The following ARPP21 variants were observed in gnomAD, a reference collection of about 807,000 sequenced individuals.
ARPP21 encodes the protein cAMP-regulated phosphoprotein 21.
A neutral mutation model predicts 113.2 loss-of-function variants in ARPP21; 69 were observed. That is an observed-to-expected ratio of 0.61 (90% CI 0.50 to 0.74). The LOEUF is 0.74. ARPP21 is among the 30% of genes least tolerant of loss of function. ARPP21 has a pLI of 0.00. For missense variants in ARPP21, 1,070 were observed against 1,037.4 expected, an observed-to-expected ratio of 1.03 and a Z score of -0.43; for synonymous variants, 368 against 375.5, an observed-to-expected ratio of 0.98 and a Z score of 0.23.
chr3:35,657,359 T>C (rs535676766), intron 1 of ARPP21, among the ~76,000 whole-genome samples: 1 of 152,096 alleles, frequency 6.6e-6, no homozygotes, highest in East Asian at 1.9e-4. Context: ...TCTCTAGAAA[T>C]GTCTGGAAGA....
chr3:35,787,576 A>G (rs746976852), intron 19 of ARPP21, among the ~76,000 whole-genome samples: 41 of 152,214 alleles, frequency 2.7e-4, no homozygotes, highest in Admixed American at 3.3e-4. Flanking sequence ...ACATGTCTTC[A>G]AACTGTTAAT....
intron 19 of ARPP21, among the ~76,000 whole-genome samples, chr3:35,788,029 G>C (rs1206667783): frequency 2.0e-5 from 3 of 152,140 alleles, no homozygotes; most frequent in Admixed American, 2.0e-4. Context: ...TTCACTGTTT[G>C]GCTTAGAGTA....
chr3:35,788,272 C>T (rs1234362128), intron 19 of ARPP21, among the ~76,000 whole-genome samples: 2 of 152,150 alleles, frequency 1.3e-5, no homozygotes, highest in South Asian at 2.1e-4. Context: ...TACCTCACAC[C>T]GTGTACAAAG....
At chr3:35,690,592 G>C (rs2081965438) in intron 8 of ARPP21, among the ~76,000 whole-genome samples, 1 of 151,394 alleles carries the variant, frequency 6.6e-6, no homozygotes, top group Non-Finnish European at 1.5e-5. Context: ...AAGGTATCAT[G>C]GACTAAAATA....
At chr3:35,693,174 T>G (rs2082752793) in intron 9 of ARPP21, among the ~76,000 whole-genome samples, 1 of 151,624 alleles carries the variant, frequency 6.6e-6, no homozygotes, top group South Asian at 2.1e-4. Flanking sequence ...AGGCCAGGGC[T>G]CAGTCTCTGG....
intron 1 of ARPP21, among the ~76,000 whole-genome samples, chr3:35,677,615 TA>T (rs36053158): frequency 0.23 from 35,372 of 151,836 alleles, 5,106 homozygotes; most frequent in East Asian, 0.47. Flanking sequence ...GTATTTCCAC[TA>T]AAAAAAGATA....
chr3:35,729,855 A>T (rs1167515287), intron 15 of ARPP21, among the ~76,000 whole-genome samples: 2 of 152,180 alleles, frequency 1.3e-5, no homozygotes, highest in Non-Finnish European at 2.9e-5. Flanking sequence ...AAATGGTGTG[A>T]TGAGTTGGGA....
chr3:35,737,149 A>G, intron 15 of ARPP21, 29 bp from the exon 16 acceptor site: 2 of 1,409,830 alleles, frequency 1.4e-6, no homozygotes, highest in Non-Finnish European at 2.0e-6. Flanking sequence ...TGAGAAGCTT[A>G]CCTGGACTAA....
At chr3:35,768,833 C>A (rs2151467141) in intron 19 of ARPP21, among the ~76,000 whole-genome samples, 1 of 152,180 alleles carries the variant, frequency 6.6e-6, no homozygotes, top group Non-Finnish European at 1.5e-5. Flanking sequence ...TCAGAGTATC[C>A]TTTAAACACT....
At chr3:35,708,087 A>G (rs997161286) in intron 10 of ARPP21, among the ~76,000 whole-genome samples, 3 of 152,038 alleles carry the variant, frequency 2.0e-5, no homozygotes, top group Non-Finnish European at 2.9e-5. Flanking sequence ...AAACTTGTTC[A>G]TCATTTGTAT....
In ARPP21 at chr3:35,732,505, C is replaced by A. The variant is rs116355237; in HGVS notation, c.1459+2969C>A. Among the ~76,000 whole-genome samples the A allele has an allele frequency of 3.4e-3, 513 of 152,268 alleles. 3 individuals are homozygous for A. Among genetic ancestry groups the A allele is most frequent in the African/African-American group, 0.012 (479 of 41,546 alleles). On this transcript the variant is annotated intron_variant, in intron 15 of 20. Transcript: ENST00000684406. ...TCCCTGTATAACATTTTCATTCTTC[C>A]AAGGCAAGCCTGGAATCTTGGGTTT...
Position 35,721,720 on chromosome 3 carries a change from A to C in ARPP21, c.1111A>C (p.Asn371His). 1 of 1,613,974 alleles carries C rather than the reference A, an allele frequency of 6.2e-7. No individual in the cohort carries two copies. The highest frequency in any genetic ancestry group is 8.5e-7 in the Non-Finnish European group (1 of 1,179,908). Residue 371 changes from asparagine to histidine, a missense_variant, in exon 14 of 21, where the codon AAC becomes CAC. Coordinates refer to ENST00000684406, the MANE Select transcript of ARPP21 (RefSeq NM_001385562.1). Reference sequence around the variant, plus strand: ...GAGCAGCACAGACTCCGACAGTTCCAACCGCAATCTAAAGCCCGCCATGAC... The same window carrying C: ...GAGCAGCACAGACTCCGACAGTTCCCACCGCAATCTAAAGCCCGCCATGAC... ...AWSSTDSDSSNRNLKPAMTKT... is the reference protein window; with the variant it reads ...AWSSTDSDSSHRNLKPAMTKT...
At chr3:35,673,351 C>T (rs1461520672) in intron 1 of ARPP21, among the ~76,000 whole-genome samples, 2 of 152,010 alleles carry the variant, frequency 1.3e-5, no homozygotes, top group Non-Finnish European at 2.9e-5. Flanking sequence ...GGACTTGCCC[C>T]CTTTCATTCT....
At chr3:35,764,466 A>T (rs956570376) in intron 19 of ARPP21, among the ~76,000 whole-genome samples, 1 of 152,054 alleles carries the variant, frequency 6.6e-6, no homozygotes, top group African/African-American at 2.4e-5. Context: ...TCTTCTCTTC[A>T]ATGGCTGATG....
rs746153454 is a variant in ARPP21, at chr3:35,707,006, A to C, written c.719A>C (p.Asp240Ala). ...PEQRFCEHLK[D>A]EKGEESQKRF... ...CAAAGGTTTTGTGAACATTTAAAAG[A>C]TGAAAAAGGTGAAGAATCCCAGAAG... Residue 240 changes from aspartate to alanine, a missense_variant, in exon 10 of 21, where the codon GAT becomes GCT. Transcript: ENST00000684406. 1 of 1,614,090 alleles carries C rather than the reference A, an allele frequency of 6.2e-7. No homozygotes were observed. The highest frequency in any genetic ancestry group is 1.1e-5 in the South Asian group (1 of 91,068).
chr3:35,736,203 A>C (rs370037721), intron 15 of ARPP21, among the ~76,000 whole-genome samples: 1 of 152,152 alleles, frequency 6.6e-6, no homozygotes, highest in East Asian at 1.9e-4. Context: ...ATACCTCTGC[A>C]GGTTGTTAGG....
chr3:35,715,460 C>A lies in ARPP21; in HGVS notation c.919C>A (p.Leu307Ile). ...AHDSVCSQES[L>I]FVENSRLLED... ...TCAGTCAGTTTGCTCCCAGGAAAGCCTTTTTGTGGAAAACAGGTAAAATAA... is the reference window on the plus strand; with the variant it reads ...TCAGTCAGTTTGCTCCCAGGAAAGCATTTTTGTGGAAAACAGGTAAAATAA... The change falls in exon 12 of 21, where the codon CTT (leucine) becomes ATT (isoleucine). Residue 307 changes from leucine to isoleucine, a missense_variant. Coordinates refer to ENST00000684406, the MANE Select transcript of ARPP21 (RefSeq NM_001385562.1). 1 of 1,612,608 alleles carries A rather than the reference C, an allele frequency of 6.2e-7. No homozygotes were observed. Among genetic ancestry groups the A allele is most frequent in the Non-Finnish European group, 8.5e-7 (1 of 1,178,998 alleles).
In ARPP21 at chr3:35,757,884, A is replaced by C. The variant is rs145383725; in HGVS notation, c.2137+13919A>C. Among the ~76,000 whole-genome samples the C allele has an allele frequency of 3.1e-3, 473 of 152,246 alleles. 2 individuals are homozygous for C. The highest frequency in any genetic ancestry group is 9.9e-3 in the African/African-American group (412 of 41,570). ...GATTTCTGTGAAAATTTTTTAAAGA[A>C]GTAAAACTGTATTTTCAGATTTCAT... On this transcript the variant is annotated intron_variant, in intron 19 of 20. Coordinates refer to ENST00000684406, the MANE Select transcript of ARPP21 (RefSeq NM_001385562.1).
At chr3:35,727,222 G>A (rs1365554475) in intron 14 of ARPP21, among the ~76,000 whole-genome samples, 1 of 152,126 alleles carries the variant, frequency 6.6e-6, no homozygotes, top group South Asian at 2.1e-4. Context: ...ACAGGCCATG[G>A]TATATGCATA....
Sources: allele counts gnomAD v4.1 joint callset (sites outside exome capture counted in the v4.1 genomes callset), GRCh38; gene constraint gnomAD v4.1.1; transcripts MANE v1.5; gene names NCBI Gene and HGNC (gene_info 2026-07-23, HGNC 2026-07-21).